ALKBH8: variants seen among roughly 807,000 people sequenced by gnomAD.
ALKBH8 encodes tRNA (carboxymethyluridine(34)-5-O)-methyltransferase ALKBH8.
Under a neutral mutation model 59.8 loss-of-function variants are expected in ALKBH8, and 36 were observed. The ratio of observed to expected loss-of-function variants is 0.60; its 90% CI spans 0.46 to 0.79. The LOEUF (loss-of-function observed/expected upper bound fraction) is 0.79. ALKBH8 is among the 30% of genes least tolerant of loss of function. The pLI, the probability that ALKBH8 is intolerant of heterozygous loss-of-function variation, is 0.00. For missense variants in ALKBH8, 768 were observed against 801.0 expected (o/e 0.96, Z 0.50); for synonymous variants, 276 against 273.6 (o/e 1.01, Z -0.09).
intron 2 of ALKBH8, 21 bp from the exon 3 acceptor site, chr11:107,557,024 A>G: frequency 6.7e-7 from 1 of 1,502,128 alleles, no homozygotes; most frequent in Non-Finnish European, 8.9e-7. Context: ...AAACAAACAA[A>G]CAAAAAGAAA....
chr11:107,539,622 T>G (rs542402876), intron 7 of ALKBH8, among the ~76,000 whole-genome samples: 1 of 150,400 alleles, frequency 6.6e-6, no homozygotes, highest in African/African-American at 2.4e-5. Flanking sequence ...CAAAAACAAA[T>G]CTAGGCCCAC....
chr11:107,546,518 G>C (rs1864262295), intron 7 of ALKBH8, among the ~76,000 whole-genome samples: 1 of 152,096 alleles, frequency 6.6e-6, no homozygotes, highest in African/African-American at 2.4e-5. Flanking sequence ...TCCTCAGTTA[G>C]GGGAGCACTG....
At chr11:107,558,690 A>G (rs555966007) in intron 2 of ALKBH8, among the ~76,000 whole-genome samples, 5 of 152,366 alleles carry the variant, frequency 3.3e-5, no homozygotes, top group Non-Finnish European at 5.9e-5. Context: ...TGTGAGATAC[A>G]TATAATTAAA....
Position 107,565,594 on chromosome 11 carries a change from C to T in ALKBH8, c.-7+7G>A. On this transcript the variant is annotated splice_region_variant and intron_variant, in intron 1 of 11. Coordinates refer to ENST00000428149, the MANE Select transcript of ALKBH8 (RefSeq NM_138775.3). ...CCGTATGCCCGCCAGTAAGAAGTGC[C>T]ACACACCTCCGCTTCGGCTCAGGCC... is the stretch of plus-strand genomic sequence containing the variant. The T allele has an allele frequency of 2.0e-6, 3 of 1,535,722 alleles. No individual in the cohort carries two copies. The highest frequency in any genetic ancestry group is 1.4e-5 in the African/African-American group (1 of 73,156).
intron 8 of ALKBH8, among the ~76,000 whole-genome samples, chr11:107,530,203 C>T (rs894336607): frequency 3.9e-5 from 6 of 152,182 alleles, no homozygotes; most frequent in African/African-American, 1.4e-4. Flanking sequence ...TACCCCTATG[C>T]TGCCCGTCTT....
intron 8 of ALKBH8, among the ~76,000 whole-genome samples, chr11:107,528,548 A>G (rs907911172): frequency 1.2e-4 from 18 of 152,204 alleles, no homozygotes; most frequent in Non-Finnish European, 2.4e-4. Flanking sequence ...TTTTAGAGGA[A>G]TAAGTATCTT....
intron 1 of ALKBH8, chr11:107,562,572 T>G (rs1864979736): frequency 6.6e-6 from 1 of 152,120 alleles, no homozygotes; most frequent in Non-Finnish European, 1.5e-5. Flanking sequence ...AATAAAATCT[T>G]ATTTATCTTA....
intron 8 of ALKBH8, among the ~76,000 whole-genome samples, chr11:107,531,504 T>C (rs1299885040): frequency 6.6e-6 from 1 of 152,140 alleles, no homozygotes; most frequent in African/African-American, 2.4e-5. Context: ...CTCTTTCAAA[T>C]AAAAGACTAA....
At chr11:107,545,765 G>A (rs1864224632) in intron 7 of ALKBH8, among the ~76,000 whole-genome samples, 1 of 152,050 alleles carries the variant, frequency 6.6e-6, no homozygotes, top group Non-Finnish European at 1.5e-5. Flanking sequence ...ATAAATACTA[G>A]CCAGTGCAAT....
Position 107,510,901 on chromosome 11 carries a change from G to A in ALKBH8, c.1423C>T (p.His475Tyr). ...ACCATACTTACTGCTGTTGCAAAAT[G>A]ATGAATAACAGCAATGGAGATGCAG... is the stretch of plus-strand genomic sequence containing the variant. ...DACISIAVIH[H>Y]FATAERRVAA... Residue 475 changes from histidine (H) to tyrosine (Y), a missense_variant, in exon 11 of 12, where the codon CAT (histidine) becomes TAT (tyrosine). Transcript: ENST00000428149. The A allele has an allele frequency of 6.4e-7, 1 of 1,551,370 alleles. No homozygotes were observed. The highest frequency in any genetic ancestry group is 8.7e-7 in the Non-Finnish European group (1 of 1,146,830).
intron 9 of ALKBH8, among the ~76,000 whole-genome samples, 157 bp downstream of exon 9, chr11:107,525,284 C>T (rs1162815713): frequency 1.3e-5 from 2 of 152,018 alleles, no homozygotes; most frequent in Admixed American, 6.6e-5. Context: ...TAATGAGGGT[C>T]GTTAAGAAAA....
At position 107,556,965 on chromosome 11, in the gene ALKBH8, C is replaced by T; in HGVS notation, c.168G>A (p.Val56=). 1 of 1,608,300 alleles carries T rather than the reference C, an allele frequency of 6.2e-7. No individual in the cohort carries two copies. ...AAACCGGGAGCAGCTGGTTCCGACT[C>T]ACACCATTACCCAAACCACCATTGG... ...VVANGGLGNG[V]SRNQLLPVLE... The change falls in exon 3 of 12, where the codon GTG becomes GTA. Residue 56 remains valine (V), a synonymous_variant. Coordinates refer to ENST00000428149, the MANE Select transcript of ALKBH8 (RefSeq NM_138775.3).
intron 10 of ALKBH8, among the ~76,000 whole-genome samples, chr11:107,517,945 T>C (rs1862935244): frequency 6.6e-6 from 1 of 152,220 alleles, no homozygotes; most frequent in Non-Finnish European, 1.5e-5. Context: ...TGTGAGGTAA[T>C]GCATATGTTA....
intron 1 of ALKBH8, 77 bp downstream of exon 1, chr11:107,565,524 G>A (rs1865098188): frequency 6.5e-7 from 1 of 1,531,760 alleles, no homozygotes; most frequent in Admixed American, 2.0e-5. Context: ...AAGGCGGATA[G>A]AGAAGACCGG....
chr11:107,541,348 T>A lies in ALKBH8; in HGVS notation c.771+8405A>T, dbSNP rs558260563. ...GCACCGAAATTGTCTCCATAGTCAA[T>A]TAAAAGTTACTAATAGGGATAAGCT... On this transcript the variant is annotated intron_variant, in intron 7 of 11. Transcript: ENST00000428149. Among the ~76,000 whole-genome samples the A allele has an allele frequency of 5.3e-5, 8 of 152,336 alleles. No individual in the cohort carries two copies. The South Asian group carries it at 1.4e-3, about 28-fold the overall frequency.
chr11:107,536,540 G>A (rs1358049716), intron 7 of ALKBH8, among the ~76,000 whole-genome samples: 3 of 152,192 alleles, frequency 2.0e-5, no homozygotes, highest in African/African-American at 7.2e-5. Flanking sequence ...TCTAAAACCA[G>A]AGGAAGCACC....
chr11:107,523,336 A>C (rs1863206637), intron 9 of ALKBH8, among the ~76,000 whole-genome samples: 1 of 152,162 alleles, frequency 6.6e-6, no homozygotes. Context: ...TATTATGTTA[A>C]GTGAAATAAG....
At position 107,522,377 on chromosome 11, in the gene ALKBH8, A is replaced by G. The variant is rs1272974585; in HGVS notation, c.1209T>C (p.Ala403=). ...PWPHIVEFLK[A]LPSGSIVADI... ...CAGCCACTATTGAACCACTTGGCAAAGCCTTCAAAAACTCCACAATGTGCG... is the reference window on the plus strand; with the variant it reads ...CAGCCACTATTGAACCACTTGGCAAGGCCTTCAAAAACTCCACAATGTGCG... The change falls in exon 10 of 12, where the codon GCT becomes GCC. Residue 403 remains alanine, a synonymous_variant. Coordinates refer to ENST00000428149, the MANE Select transcript of ALKBH8 (RefSeq NM_138775.3). 6.4e-7 allele frequency: 1 copy of G among 1,551,604 alleles called. No individual in the cohort carries two copies. The highest frequency in any genetic ancestry group is 2.0e-5 in the Admixed American group (1 of 50,972).
chr11:107,523,041 T>C (rs916725649), intron 9 of ALKBH8, among the ~76,000 whole-genome samples: 1 of 101,446 alleles, frequency 9.9e-6, no homozygotes, highest in African/African-American at 3.8e-5. Context: ...AACCCTTCTC[T>C]GCCTTGCTCA....
Sources: allele counts gnomAD v4.1 joint callset (sites outside exome capture counted in the v4.1 genomes callset), GRCh38; gene constraint gnomAD v4.1.1; transcripts MANE v1.5; gene names NCBI Gene and HGNC (gene_info 2026-07-23, HGNC 2026-07-21).